The following ANAPC7 variants were observed in gnomAD, a reference collection of about 807,000 sequenced individuals.
ANAPC7 encodes anaphase-promoting complex subunit 7.
Under a neutral mutation model 63.3 loss-of-function variants are expected in ANAPC7, and 25 were observed. The ratio of observed to expected loss-of-function variants is 0.39; its 90% CI spans 0.29 to 0.55. The LOEUF (loss-of-function observed/expected upper bound fraction) is 0.55, where lower values mean the gene tolerates loss of function less well. Among genes scored for constraint, ANAPC7 ranks in the 20% least tolerant of loss-of-function variants. ANAPC7 has a pLI of 0.57. For missense variants in ANAPC7, 516 were observed against 691.7 expected (o/e 0.75, Z 2.85); for synonymous variants, 241 against 251.7 (o/e 0.96, Z 0.40).
In ANAPC7 at chr12:110,383,628, A is replaced by C. The variant is rs139835127; in HGVS notation, c.818-668T>G. 2.0e-5 allele frequency among the ~76,000 whole-genome samples: 3 copies of C among 152,110 alleles called. No homozygotes were observed. The East Asian group carries it at 5.8e-4, about 30-fold the overall frequency. The stretch of plus-strand genomic sequence containing the variant: ...CCAGGTGCAGTGGTTCATGCCTGTA[A>C]ACCCAGCACTTTGGGAGGCCAAGGA... On this transcript the variant is annotated intron_variant, in intron 6 of 10. Coordinates refer to ENST00000455511, the MANE Select transcript of ANAPC7 (RefSeq NM_016238.3).
chr12:110,379,781 A>G (rs1384260426), intron 8 of ANAPC7, among the ~76,000 whole-genome samples: 2 of 152,228 alleles, frequency 1.3e-5, no homozygotes, highest in Non-Finnish European at 2.9e-5. Flanking sequence ...TGCTTATAAA[A>G]ATATGTTTTG....
In ANAPC7 at chr12:110,396,355, T is replaced by A; in HGVS notation, c.199A>T (p.Thr67Ser). ...KEYRNAVSKY[T>S]MALQQKKALS... ...GCTTTCTTCTGCTGTAAAGCCATGGTATACTTACTCACAGCATTCCGATAT... is the reference window on the plus strand; with the variant it reads ...GCTTTCTTCTGCTGTAAAGCCATGGAATACTTACTCACAGCATTCCGATAT... The change falls in exon 2 of 11, where the codon ACC (threonine) becomes TCC (serine). Residue 67 changes from threonine to serine, a missense_variant. Coordinates refer to ENST00000455511, the MANE Select transcript of ANAPC7 (RefSeq NM_016238.3). 1 of 1,613,944 alleles carries A rather than the reference T, an allele frequency of 6.2e-7. No homozygotes were observed. The highest frequency in any genetic ancestry group is 8.5e-7 in the Non-Finnish European group (1 of 1,179,868).
chr12:110,390,377 TTAG>T (rs1246825316), intron 3 of ANAPC7, among the ~76,000 whole-genome samples: 1 of 151,974 alleles, frequency 6.6e-6, no homozygotes, highest in Non-Finnish European at 1.5e-5. Flanking sequence ...TCTGGCAAAA[TTAG>T]TAGATTTTAA....
chr12:110,374,914 G>A (rs897806122), intron 10 of ANAPC7, among the ~76,000 whole-genome samples: 5 of 151,542 alleles, frequency 3.3e-5, no homozygotes, highest in African/African-American at 9.7e-5. Context: ...CAGTACATAC[G>A]CCACCCCCAC....
intron 1 of ANAPC7, among the ~76,000 whole-genome samples, chr12:110,402,787 G>C (rs985023855): frequency 1.3e-5 from 2 of 151,836 alleles, no homozygotes; most frequent in Non-Finnish European, 2.9e-5. Flanking sequence ...CCACGGTAAA[G>C]GACAATGATG....
intron 8 of ANAPC7, among the ~76,000 whole-genome samples, chr12:110,378,305 G>A (rs1239751175): frequency 2.6e-5 from 4 of 152,136 alleles, no homozygotes; most frequent in African/African-American, 4.8e-5. Context: ...TGTTGGTCAG[G>A]CTGCTCTCGA....
At position 110,381,509 on chromosome 12, in the gene ANAPC7, G is replaced by T. The variant is rs546205002; in HGVS notation, c.1132+243C>A. Among the ~76,000 whole-genome samples, 11 of 152,084 alleles carry T rather than the reference G, an allele frequency of 7.2e-5. No individual in the cohort carries two copies. In the South Asian group the frequency reaches 2.1e-3, roughly 29 times the overall value. On this transcript the variant is annotated intron_variant, in intron 8 of 10. Coordinates refer to ENST00000455511, the MANE Select transcript of ANAPC7 (RefSeq NM_016238.3). ...GAGCCACCATGCCCAGCTAATTTTT[G>T]TATTTTTAGTAGAGACGGGGTTTCA...
chr12:110,387,498 G>A, intron 5 of ANAPC7: 1 of 346,610 alleles, frequency 2.9e-6, no homozygotes, highest in Non-Finnish European at 5.2e-6. Flanking sequence ...CTTTGCAAGG[G>A]TTACTACCTG....
intron 3 of ANAPC7, among the ~76,000 whole-genome samples, chr12:110,390,753 G>C (rs1195441454): frequency 6.6e-6 from 1 of 152,152 alleles, no homozygotes; most frequent in Admixed American, 6.5e-5. Context: ...AGAATAAAAA[G>C]TTAAATTTAA....
At chr12:110,392,635 A>T (rs973157473) in intron 3 of ANAPC7, among the ~76,000 whole-genome samples, 6 of 152,188 alleles carry the variant, frequency 3.9e-5, no homozygotes, top group African/African-American at 1.4e-4. Flanking sequence ...ACATTCATGA[A>T]TTTATTTGGT....
Position 110,373,664 on chromosome 12 carries a change from G to A in ANAPC7, c.*480C>T, listed in dbSNP as rs1439082639. ...TTACTAACATTGCAGAAGGAAGCAA[G>A]ATTTACTAGGGACATCTGGATAGCC... On this transcript the variant is annotated 3_prime_UTR_variant, in exon 11 of 11. Transcript: ENST00000455511. The A allele has an allele frequency of 1.3e-5, 2 of 154,084 alleles. No homozygotes were observed. Among genetic ancestry groups the A allele is most frequent in the Non-Finnish European group, 2.9e-5 (2 of 69,386 alleles). The allele number at this position is 154,084 out of a possible 1,614,324, so 9.5% of individuals were successfully genotyped here.
intron 3 of ANAPC7, among the ~76,000 whole-genome samples, chr12:110,389,554 G>T (rs911932849): frequency 1.3e-5 from 2 of 152,168 alleles, no homozygotes; most frequent in African/African-American, 4.8e-5. Flanking sequence ...GCAGACAGCT[G>T]CATTTTAGCG....
In ANAPC7 at chr12:110,376,176, C is replaced by T. The variant is rs1414297083; in HGVS notation, c.1398G>A (p.Arg466=). The change falls in exon 10 of 11, where the codon AGG becomes AGA. Residue 466 remains arginine, a synonymous_variant. Transcript: ENST00000455511. The part of the protein sequence containing the change: ...QKYEDGIALL[R]NALANQSDCV... ...AGTCACTCTGATTAGCCAGTGCGTT[C>T]CTCAGCAAAGCAATTCCATCTTCAT... is the stretch of plus-strand genomic sequence containing the variant. The T allele has an allele frequency of 1.9e-6, 3 of 1,614,030 alleles. No homozygotes were observed. Among genetic ancestry groups the T allele is most frequent in the Non-Finnish European group, 2.5e-6 (3 of 1,180,038 alleles).
At chr12:110,388,837 T>C (rs941843832) in intron 3 of ANAPC7, among the ~76,000 whole-genome samples, 1 of 151,962 alleles carries the variant, frequency 6.6e-6, no homozygotes, top group Non-Finnish European at 1.5e-5. Flanking sequence ...TCCCAGCACT[T>C]TGGGAGGCCG....
intron 5 of ANAPC7, chr12:110,386,701 G>C (rs1263155020): frequency 6.8e-6 from 3 of 439,488 alleles, no homozygotes; most frequent in Non-Finnish European, 1.2e-5. Flanking sequence ...TGTGGTTGCA[G>C]TTCTTCAGAA....
At chr12:110,399,322 G>C (rs1224981726) in intron 1 of ANAPC7, among the ~76,000 whole-genome samples, 1 of 150,662 alleles carries the variant, frequency 6.6e-6, no homozygotes, top group Non-Finnish European at 1.5e-5. Context: ...GCCCAGCCGA[G>C]TCGAATAATT....
intron 9 of ANAPC7, among the ~76,000 whole-genome samples, chr12:110,376,568 C>CAAAAAAAAAAAAAAAAAA (rs57434475): frequency 1.6e-5 from 1 of 62,412 alleles, no homozygotes; most frequent in Non-Finnish European, 2.7e-5. Flanking sequence ...GACTCCATCT[C>CAAAAAAAAAAAAAAAAAA]AAAAAAAAAA....
rs555571074 is a variant in ANAPC7, at chr12:110,377,808, T to C, written c.1133-191A>G. 90 of 1,430,506 alleles carry C rather than the reference T, an allele frequency of 6.3e-5. No homozygotes were observed. The South Asian group carries it at 1.2e-3, about 19-fold the overall frequency. The allele number at this position is 1,430,506 out of a possible 1,614,324, so 88.6% of individuals were successfully genotyped here. On this transcript the variant is annotated intron_variant, in intron 8 of 10. Transcript: ENST00000455511. Reference sequence around the variant, plus strand: ...TAAGAAGTGCTCTTCCCCAGAGAACTTGATGGATGTAGAAAAAGACTGCCT... The same window carrying C: ...TAAGAAGTGCTCTTCCCCAGAGAACCTGATGGATGTAGAAAAAGACTGCCT...
At chr12:110,402,611 G>A (rs2062247833) in intron 1 of ANAPC7, among the ~76,000 whole-genome samples, 1 of 152,050 alleles carries the variant, frequency 6.6e-6, no homozygotes, top group Admixed American at 6.6e-5. Flanking sequence ...TGGGATTACA[G>A]GCATGAGCCA....
Sources: gnomAD v4.1 joint callset for allele counts (sites outside exome capture counted in the v4.1 genomes callset) on GRCh38, gnomAD v4.1.1 for gene constraint, MANE v1.5 for transcripts, NCBI Gene and HGNC (gene_info 2026-07-23, HGNC 2026-07-21) for gene names.